The following ARVCF variants were observed in gnomAD, a reference collection of about 807,000 sequenced individuals.
The protein encoded by ARVCF is splicing regulator ARVCF.
A neutral mutation model predicts 90.9 loss-of-function variants in ARVCF; 66 were observed. That is an observed-to-expected ratio of 0.73 (90% CI 0.60 to 0.89). ARVCF has a LOEUF of 0.89. ARVCF is among the 40% of genes least tolerant of loss of function. ARVCF has a pLI of 0.00. For synonymous variants in ARVCF, 653 were observed against 603.4 expected (o/e 1.08, Z -1.21); for missense variants, 1,469 against 1,382.3 (o/e 1.06, Z -1.00).
intron 2 of ARVCF, among the ~76,000 whole-genome samples, chr22:20,004,239 A>C (rs1256094083): frequency 1.3e-5 from 2 of 152,244 alleles, no homozygotes; most frequent in African/African-American, 4.8e-5. Context: ...CAGTGGAAAG[A>C]TATCCCATGT....
chr22:20,014,938 A>T (rs1215271493), intron 1 of ARVCF, among the ~76,000 whole-genome samples: 1 of 152,138 alleles, frequency 6.6e-6, no homozygotes, highest in Non-Finnish European at 1.5e-5. Flanking sequence ...ACCCTCACAG[A>T]GCCACAGAGA....
intron 1 of ARVCF, among the ~76,000 whole-genome samples, chr22:20,013,383 C>T (rs1306819928): frequency 6.6e-6 from 1 of 152,254 alleles, no homozygotes; most frequent in Non-Finnish European, 1.5e-5. Context: ...TGTGGTCACC[C>T]ACCAGCTGGC....
At chr22:19,997,193 G>A (rs1005126104) in intron 2 of ARVCF, among the ~76,000 whole-genome samples, 1 of 152,216 alleles carries the variant, frequency 6.6e-6, no homozygotes, top group Non-Finnish European at 1.5e-5. Context: ...TGGGGGCCAG[G>A]GAGCTGGGAA....
In ARVCF at chr22:19,981,366, G is replaced by A. The variant is rs766919161; in HGVS notation, c.741C>T (p.Gly247=). 1.2e-6 allele frequency: 2 copies of A among 1,603,396 alleles called. No homozygotes were observed. Among genetic ancestry groups the A allele is most frequent in the Non-Finnish European group, 1.7e-6 (2 of 1,176,358 alleles). The change falls in exon 5 of 20, where the codon GGC becomes GGT. Residue 247 remains glycine, a synonymous_variant. Transcript: ENST00000263207. ...CCTGGAAGCGCTCGGGCAGGGAGCGGCCACCTGGTGGCCCAGGCTCAGGAC... is the reference window on the plus strand; with the variant it reads ...CCTGGAAGCGCTCGGGCAGGGAGCGACCACCTGGTGGCCCAGGCTCAGGAC... The part of the protein sequence containing the change: ...PVGPEPGPPG[G]RSLPERFQAE...
rs536372945 is a variant in ARVCF at position 19,996,755 on chromosome 22, G to A, written c.-18-5943C>T. On this transcript the variant is annotated intron_variant, in intron 2 of 19. Transcript: ENST00000263207. ...CAGATACCCTCCCCACCAGGCAGGC[G>A]AGTGAAAGCAGAGGCCAGGGACCAA... Among the ~76,000 whole-genome samples the A allele has an allele frequency of 5.2e-4, 79 of 152,346 alleles. 2 individuals carry two copies. The South Asian group carries it at 0.013, about 25-fold the overall frequency.
intron 2 of ARVCF, among the ~76,000 whole-genome samples, chr22:19,999,685 C>A (rs903825691): frequency 6.6e-6 from 1 of 152,120 alleles, no homozygotes; most frequent in African/African-American, 2.4e-5. Context: ...CTGGGCTGAC[C>A]GCAAGGGATC....
chr22:19,995,785 GC>G (rs797000197), intron 2 of ARVCF, among the ~76,000 whole-genome samples: 1 of 151,452 alleles, frequency 6.6e-6, no homozygotes, highest in Non-Finnish European at 1.5e-5. Context: ...GGCTGCGCTG[GC>G]CCCCCCCTCG....
At chr22:19,998,408 G>C (rs914061589) in intron 2 of ARVCF, among the ~76,000 whole-genome samples, 3 of 152,216 alleles carry the variant, frequency 2.0e-5, no homozygotes, top group Non-Finnish European at 4.4e-5. Context: ...GGGCCCCTGG[G>C]GGGTAAAGCA....
chr22:19,977,685 G>A, intron 8 of ARVCF, 99 bp from the exon 9 acceptor site: 1 of 1,436,860 alleles, frequency 7.0e-7, no homozygotes, highest in South Asian at 1.5e-5. Context: ...GGCACCGGGA[G>A]CAAAGGAACA....
At chr22:19,982,189 C>A in intron 3 of ARVCF, 98 bp from the exon 4 acceptor site, 1 of 1,497,248 alleles carries the variant, frequency 6.7e-7, no homozygotes. Flanking sequence ...CTCATGCTGG[C>A]CAGCACACCA....
At position 19,974,216 on chromosome 22, in the gene ARVCF, C is replaced by T. The variant is rs1943019046; in HGVS notation, c.1984G>A (p.Glu662Lys). 2 of 1,611,568 alleles carry T rather than the reference C, an allele frequency of 1.2e-6. No individual in the cohort carries two copies. The highest frequency in any genetic ancestry group is 2.2e-5 in the East Asian group (1 of 44,840). Residue 662 changes from glutamate (E) to lysine (K), a missense_variant, in exon 12 of 20, where the codon GAG becomes AAG. Physicochemically the swap from Glu to Lys is moderately conservative, Grantham distance 56. Transcript: ENST00000263207. The stretch of plus-strand genomic sequence containing the variant: ...AGGGAGAGGTAGAGACGTACCACCT[C>T]GGGCTGGTACAGCAGCTCAAAGCCT... The part of the protein sequence containing the change: ...AKGFELLYQP[E>K]VVRLYLSLLT...
rs780072614 is a variant in ARVCF at position 19,974,266 on chromosome 22, G to A, written c.1961-27C>T. 16 of 1,581,538 alleles carry A rather than the reference G, an allele frequency of 1.0e-5. No homozygotes were observed. In the Admixed American group the frequency reaches 1.9e-4, roughly 19 times the overall value. The stretch of plus-strand genomic sequence containing the variant: ...TAGGTGCAGGGCAACCGCCACCCAC[G>A]GTCACCCAGAATCTGCTCTCATCCA... On this transcript the variant is annotated intron_variant, in intron 11 of 19. Transcript: ENST00000263207.
At chr22:20,016,406 T>C (rs898433277) in intron 1 of ARVCF, among the ~76,000 whole-genome samples, 183 bp downstream of exon 1, 2 of 151,224 alleles carry the variant, frequency 1.3e-5, no homozygotes, top group Non-Finnish European at 2.9e-5. Context: ...AAGACGCGGG[T>C]GGGGCGGAGA....
At chr22:19,994,256 T>C (rs917170129) in intron 2 of ARVCF, among the ~76,000 whole-genome samples, 1 of 143,650 alleles carries the variant, frequency 7.0e-6, no homozygotes, top group Non-Finnish European at 1.5e-5. Context: ...AATGGACAGA[T>C]GGATGAATGA....
In ARVCF at chr22:19,978,919, T is replaced by C. The variant is rs756048244; in HGVS notation, c.1558A>G (p.Lys520Glu). The change falls in exon 7 of 20, where the codon AAG (lysine) becomes GAG (glutamate). Residue 520 changes from lysine (K) to glutamate (E), a missense_variant. Lys to Glu is a moderately conservative substitution (Grantham distance 56). Transcript: ENST00000263207. ...CACCTCAGGCAGCCCGACGTGTTCT[T>C]GAAGACAGTTGTCCACTCGGCGTCC... ...PRDAEWTTVF[K>E]NTSGCLRNVS... 3.3e-5 allele frequency: 54 copies of C among 1,612,432 alleles called. No homozygotes were observed. Among genetic ancestry groups the C allele is most frequent in the Non-Finnish European group, 4.3e-5 (51 of 1,179,440 alleles).
chr22:19,979,527 C>G, intron 6 of ARVCF: 3 of 710,038 alleles, frequency 4.2e-6, no homozygotes, highest in Non-Finnish European at 6.7e-6. Context: ...GCCCGAGGGG[C>G]GCAGCGTCAG....
chr22:19,977,401 T>C lies in ARVCF; in HGVS notation c.1870+14A>G. On this transcript the variant is annotated intron_variant, in intron 9 of 19. Transcript: ENST00000263207. ...TGAGATGGTAGAGATGATACCCCAG[T>C]CCGCCCCACCCACCTTTGGCCTTCT... is the stretch of plus-strand genomic sequence containing the variant. The C allele has an allele frequency of 6.7e-7, 1 of 1,500,230 alleles. No homozygotes were observed. Among genetic ancestry groups the C allele is most frequent in the East Asian group, 2.4e-5 (1 of 41,624 alleles). The allele number at this position is 1,500,230 out of a possible 1,614,324, so 92.9% of individuals were successfully genotyped here.
Position 19,974,134 on chromosome 22 carries a change from T to C in ARVCF, c.2066A>G (p.Asn689Ser). The C allele has an allele frequency of 6.2e-7, 1 of 1,612,120 alleles. No individual in the cohort carries two copies. Among genetic ancestry groups the C allele is most frequent in the Non-Finnish European group, 8.5e-7 (1 of 1,179,564 alleles). ...TLEAAAGALQ[N>S]LSAGNWMWAT... Reference sequence around the variant, plus strand: ...CACCATCCAGTTGCCGGCACTGAGGTTCTGCAGAGCGCCGGCGGCAGCCTC... The same window carrying C: ...CACCATCCAGTTGCCGGCACTGAGGCTCTGCAGAGCGCCGGCGGCAGCCTC... The change falls in exon 12 of 20, where the codon AAC becomes AGC. Residue 689 changes from asparagine to serine, a missense_variant. Transcript: ENST00000263207.
In ARVCF at chr22:19,973,627, T is replaced by C. The variant is rs556276698; in HGVS notation, c.2239+16A>G. On this transcript the variant is annotated intron_variant, in intron 13 of 19. Transcript: ENST00000263207. ...ACAGTTCGGTGCCCAGGCGTGGGCT[T>C]TGCAGGCGTCCTCACCGATGAGGTC... 1.9e-6 allele frequency: 3 copies of C among 1,596,896 alleles called. No homozygotes were observed. Among genetic ancestry groups the C allele is most frequent in the African/African-American group, 1.3e-5 (1 of 74,720 alleles).
Sources: allele counts gnomAD v4.1 joint callset (sites outside exome capture counted in the v4.1 genomes callset), GRCh38; gene constraint gnomAD v4.1.1; transcripts MANE v1.5; gene names NCBI Gene and HGNC (gene_info 2026-07-23, HGNC 2026-07-21).